Variants in WWP1 observed in about 807,000 individuals in gnomAD.
The protein encoded by WWP1 is WW domain containing E3 ubiquitin protein ligase 1, also known as NEDD4-like E3 ubiquitin-protein ligase WWP1.
Under a neutral mutation model 130.6 loss-of-function variants are expected in WWP1, and 49 were observed. The ratio of observed to expected loss-of-function variants is 0.38; its 90% CI spans 0.30 to 0.48. The LOEUF (loss-of-function observed/expected upper bound fraction) is 0.48, where lower values mean the gene tolerates loss of function less well. WWP1 is among the 20% of genes least tolerant of loss of function. The pLI, the probability that WWP1 is intolerant of heterozygous loss-of-function variation, is 0.99. For synonymous variants in WWP1, 332 were observed against 367.8 expected (o/e 0.90, Z 1.11); for missense variants, 809 against 1,100.6 (o/e 0.74, Z 3.75).
At chr8:86,437,181 G>A (rs1290487609) in intron 16 of WWP1, among the ~76,000 whole-genome samples, 1 of 152,206 alleles carries the variant, frequency 6.6e-6, no homozygotes, top group African/African-American at 2.4e-5. Flanking sequence ...AGACTTGCCA[G>A]TCTTGGCTCT....
chr8:86,423,097 G>T, intron 9 of WWP1, among the ~76,000 whole-genome samples: 2 of 146,120 alleles, frequency 1.4e-5, no homozygotes, highest in African/African-American at 2.6e-5. Flanking sequence ...GAAAATTAGT[G>T]TTTATTGAAT....
At chr8:86,410,426 T>C (rs1039329847) in intron 8 of WWP1, among the ~76,000 whole-genome samples, 2 of 152,170 alleles carry the variant, frequency 1.3e-5, no homozygotes, top group Non-Finnish European at 2.9e-5. Context: ...GTACGTGGTA[T>C]TTCTAATGTT....
rs1824213215 is a variant in WWP1 at position 86,370,331 on chromosome 8, A to ATTG, written c.-22+1300_-22+1301insTTG. On this transcript the variant is annotated intron_variant, in intron 2 of 24. Coordinates refer to ENST00000517970, the MANE Select transcript of WWP1 (RefSeq NM_007013.4). ...CTCAGTAGGCAAATTCAAATTTATA[A>ATTG]CCAGAAAATAATTGTGGAGACTTAT... Among the ~76,000 whole-genome samples the ATTG allele has an allele frequency of 2.0e-5, 3 of 152,360 alleles. No individual in the cohort carries two copies. The South Asian group carries it at 6.2e-4, about 32-fold the overall frequency.
rs191909724 is a variant in WWP1, at chr8:86,407,441, T to C, written c.725-4097T>C. 6.6e-3 allele frequency among the ~76,000 whole-genome samples: 1,010 copies of C among 152,284 alleles called. 2 individuals are homozygous for C. Among genetic ancestry groups the C allele is most frequent in the Non-Finnish European group, 8.5e-3 (575 of 68,016 alleles). On this transcript the variant is annotated intron_variant, in intron 8 of 24. Coordinates refer to ENST00000517970, the MANE Select transcript of WWP1 (RefSeq NM_007013.4). ...TTGTAGGGGGCTGTCCTGTGCATTA[T>C]ATTAATAGAATGTTTAGCAGTATTC...
At chr8:86,442,811 G>T in intron 18 of WWP1, 33 bp downstream of exon 18, 3 of 1,519,876 alleles carry the variant, frequency 2.0e-6, no homozygotes, top group Non-Finnish European at 1.8e-6. Flanking sequence ...ATTTATTTAA[G>T]TTTGTTACAA....
At position 86,442,765 on chromosome 8, in the gene WWP1, G is replaced by A. The variant is rs910319561; in HGVS notation, c.1985G>A (p.Arg662His). 14 of 1,602,920 alleles carry A rather than the reference G, an allele frequency of 8.7e-6. No homozygotes were observed. Among genetic ancestry groups the A allele is most frequent in the Admixed American group, 8.5e-5 (5 of 58,618 alleles). Residue 662 changes from arginine (R) to histidine (H), a missense_variant, in exon 18 of 25, where the codon CGT (arginine) becomes CAT (histidine). By Grantham distance (29) the Arg-to-His change is conservative (BLOSUM62 0). Coordinates refer to ENST00000517970, the MANE Select transcript of WWP1 (RefSeq NM_007013.4). ...DHLSYFCFIG[R>H]FIAMALFHGK... Reference sequence around the variant, plus strand: ...CTTTCATACTTCTGTTTCATTGGTCGTTTTATTGCCATGGTGAGTTCCTGA... The same window carrying A: ...CTTTCATACTTCTGTTTCATTGGTCATTTTATTGCCATGGTGAGTTCCTGA...
intron 1 of WWP1, among the ~76,000 whole-genome samples, chr8:86,344,148 G>A (rs959622954): frequency 3.3e-5 from 5 of 152,258 alleles, no homozygotes; most frequent in East Asian, 3.9e-4. Context: ...TTCATAAATG[G>A]TTAGTATTTT....
At chr8:86,431,069 A>G (rs1371935426) in intron 12 of WWP1, among the ~76,000 whole-genome samples, 1 of 131,222 alleles carries the variant, frequency 7.6e-6, no homozygotes, top group African/African-American at 3.2e-5. Flanking sequence ...ATATATATGT[A>G]TATTATAAGG....
chr8:86,464,538 T>TA (rs1811933780), intron 24 of WWP1, among the ~76,000 whole-genome samples: 2 of 152,008 alleles, frequency 1.3e-5, no homozygotes, highest in South Asian at 2.1e-4. Context: ...TTTCCCAAGA[T>TA]AGAGTCTTGC....
Position 86,411,672 on chromosome 8 carries a change from C to T in WWP1, c.859C>T (p.Leu287=), listed in dbSNP as rs1019375190. 1.9e-6 allele frequency: 3 copies of T among 1,614,048 alleles called. No individual in the cohort carries two copies. In the African/African-American group the frequency reaches 4.0e-5, roughly 22 times the overall value. Reference sequence around the variant, plus strand: ...TGAAGATCCTCCAGTTCAAGAAATACTGACTTCCTCAGAAAACAATGAATG... The same window carrying T: ...TGAAGATCCTCCAGTTCAAGAAATATTGACTTCCTCAGAAAACAATGAATG... The part of the protein sequence containing the change: ...TVEDPPVQEI[L]TSSENNECIP... Residue 287 remains leucine (L), a synonymous_variant, in exon 9 of 25, where the codon CTG becomes TTG. Coordinates refer to ENST00000517970, the MANE Select transcript of WWP1 (RefSeq NM_007013.4).
intron 9 of WWP1, among the ~76,000 whole-genome samples, chr8:86,420,057 T>G (rs1365637628): frequency 2.0e-5 from 3 of 152,244 alleles, no homozygotes; most frequent in Non-Finnish European, 2.9e-5. Context: ...TTCTTATGTC[T>G]TCTTTCTTAG....
Position 86,343,960 on chromosome 8 carries a change from A to AT in WWP1, c.-115+1042dup, listed in dbSNP as rs886251122. Among the ~76,000 whole-genome samples, 711 of 143,900 alleles carry AT rather than the reference A, an allele frequency of 4.9e-3. 2 individuals are homozygous for AT. The highest frequency in any genetic ancestry group is 0.013 in the African/African-American group (521 of 39,592). 94.4% of individuals were successfully genotyped at this position (143,900 alleles called of 152,430 possible). A position where few individuals can be genotyped will look rare whatever the true frequency, so the allele number is the denominator to read the frequency against. On this transcript the variant is annotated intron_variant, in intron 1 of 24. Coordinates refer to ENST00000517970, the MANE Select transcript of WWP1 (RefSeq NM_007013.4). ...AAATAGTTGGTTTACAGTTACCTGC[A>AT]TTTTTTTTTTTTAACAAGAGTTCAT...
chr8:86,397,362 G>A (rs1807734994), intron 5 of WWP1, among the ~76,000 whole-genome samples: 1 of 151,898 alleles, frequency 6.6e-6, no homozygotes, highest in African/African-American at 2.4e-5. Context: ...ATATTTATGG[G>A]GTATGGAGTG....
chr8:86,425,109 T>A (rs1446925114), intron 9 of WWP1, 114 bp from the exon 10 acceptor site: 2 of 667,016 alleles, frequency 3.0e-6, no homozygotes, highest in Non-Finnish European at 5.0e-6. Context: ...TGTGTGTGTG[T>A]ATAGTCTTTT....
At chr8:86,445,965 TCTTTTCTTTTC>T (rs1295987290) in intron 18 of WWP1, among the ~76,000 whole-genome samples, 6 of 125,686 alleles carry the variant, frequency 4.8e-5, no homozygotes, top group African/African-American at 2.1e-4. Flanking sequence ...TCTTTTCTTT[TCTTTTCTTTTC>T]TTTTTTTTTT....
intron 12 of WWP1, among the ~76,000 whole-genome samples, chr8:86,430,995 TTA>T (rs1463443327): frequency 7.2e-6 from 1 of 139,196 alleles, no homozygotes; most frequent in African/African-American, 2.6e-5. Flanking sequence ...ATAATCCATA[TTA>T]AATATATTAT....
Position 86,457,973 on chromosome 8 carries a change from C to T in WWP1, c.2447C>T (p.Thr816Ile). 1 of 1,613,190 alleles carries T rather than the reference C, an allele frequency of 6.2e-7. No individual in the cohort carries two copies. Among genetic ancestry groups the T allele is most frequent in the East Asian group, 2.2e-5 (1 of 44,838 alleles). Residue 816 changes from threonine to isoleucine, a missense_variant, in exon 22 of 25, where the codon ACT (threonine) becomes ATT (isoleucine). By Grantham distance (89) the Thr-to-Ile change is moderately conservative (BLOSUM62 -1). Coordinates refer to ENST00000517970, the MANE Select transcript of WWP1 (RefSeq NM_007013.4). ...GACTTGGCAGATTGGCAGAGAAATA[C>T]TGTTTATCGACATTATACAAGAAAC... is the stretch of plus-strand genomic sequence containing the variant. ...EVDLADWQRN[T>I]VYRHYTRNSK...
rs1822251494 is a variant in WWP1, at chr8:86,342,633, G to C, written c.-412G>C. The C allele has an allele frequency of 4.3e-6, 1 of 229,904 alleles. No individual in the cohort carries two copies. The highest frequency in any genetic ancestry group is 8.3e-6 in the Non-Finnish European group (1 of 120,036). The allele number at this position is 229,904 out of a possible 1,614,324, so 14.2% of individuals were successfully genotyped here. On this transcript the variant is annotated 5_prime_UTR_variant, in exon 1 of 25. Coordinates refer to ENST00000517970, the MANE Select transcript of WWP1 (RefSeq NM_007013.4). ...GCGGGGAGGCGCGCGCTTAGGGCGC[G>C]GCGCCGGCGACGCGGCCACGCGGCG...
chr8:86,416,022 C>T (rs1019482729), intron 9 of WWP1, among the ~76,000 whole-genome samples: 5 of 152,174 alleles, frequency 3.3e-5, no homozygotes, highest in Non-Finnish European at 5.9e-5. Context: ...TGGTAAATGC[C>T]TCTGGAAGAA....
Sources: allele counts gnomAD v4.1 joint callset (sites outside exome capture counted in the v4.1 genomes callset), GRCh38; gene constraint gnomAD v4.1.1; transcripts MANE v1.5; gene names NCBI Gene and HGNC (gene_info 2026-07-23, HGNC 2026-07-21).